Variants in EXT1 observed in about 807,000 individuals in gnomAD.
The protein encoded by EXT1 is exostosin glycosyltransferase 1.
A neutral mutation model predicts 82.5 loss-of-function variants in EXT1; 20 were observed. The observed-to-expected ratio is 0.24, with a 90% CI of 0.17 to 0.35. The LOEUF (loss-of-function observed/expected upper bound fraction) is 0.35. Ranked by LOEUF, EXT1 falls within the 10% of genes least tolerant of loss-of-function variation. The pLI is 1.00. For missense variants in EXT1, 757 were observed against 936.5 expected, an observed-to-expected ratio of 0.81 and a Z score of 2.50; for synonymous variants, 348 against 350.8, an observed-to-expected ratio of 0.99 and a Z score of 0.09.
rs113259613 is a variant in EXT1 at position 118,010,294 on chromosome 8, C to A, written c.962+99791G>T. ...GGCTGAGGCAGGAGAATGGAGTGAT[C>A]CCGGGAGACGGAGCTTGCAGTGAGC... On this transcript the variant is annotated intron_variant, in intron 1 of 10. Transcript: ENST00000378204. Among the ~76,000 whole-genome samples, 180 of 151,194 alleles carry A rather than the reference C, an allele frequency of 1.2e-3. 1 individual carries two copies. The highest frequency in any genetic ancestry group is 4.4e-3 in the African/African-American group (179 of 41,058).
chr8:117,960,647 T>C (rs1814680699), intron 1 of EXT1, among the ~76,000 whole-genome samples: 1 of 152,200 alleles, frequency 6.6e-6, no homozygotes, highest in African/African-American at 2.4e-5. Context: ...AATGTTGTAA[T>C]CAGTGCATAA....
chr8:117,931,925 A>G (rs1354258783), intron 1 of EXT1, among the ~76,000 whole-genome samples: 1 of 152,244 alleles, frequency 6.6e-6, no homozygotes, highest in East Asian at 1.9e-4. Flanking sequence ...CTCAAGCTTA[A>G]GTAATTATGG....
intron 1 of EXT1, among the ~76,000 whole-genome samples, chr8:117,981,460 T>C (rs765945330): frequency 1.3e-5 from 2 of 152,220 alleles, no homozygotes; most frequent in Non-Finnish European, 2.9e-5. Context: ...ATCTACTAAT[T>C]ACAACACTTC....
intron 1 of EXT1, among the ~76,000 whole-genome samples, chr8:117,957,283 C>G (rs970635545): frequency 3.9e-5 from 6 of 152,240 alleles, no homozygotes; most frequent in Admixed American, 2.0e-4. Context: ...AAGATGAAAG[C>G]TGAGGATTGG....
chr8:117,945,296 C>A (rs1215725004), intron 1 of EXT1, among the ~76,000 whole-genome samples: 3 of 152,180 alleles, frequency 2.0e-5, no homozygotes, highest in South Asian at 2.1e-4. Context: ...ATGCTTGTAA[C>A]CCCTGTACAT....
At chr8:118,103,188 C>T (rs1187547912) in intron 1 of EXT1, among the ~76,000 whole-genome samples, 1 of 148,228 alleles carries the variant, frequency 6.7e-6, no homozygotes, top group Non-Finnish European at 1.5e-5. Context: ...GCTCTATTGT[C>T]CAGGGTGGAG....
At chr8:117,951,388 T>C (rs915182040) in intron 1 of EXT1, among the ~76,000 whole-genome samples, 2 of 152,232 alleles carry the variant, frequency 1.3e-5, no homozygotes, top group African/African-American at 2.4e-5. Context: ...CTCCTGTTTT[T>C]GTGATTTTCT....
chr8:117,899,185 G>T (rs1319557565), intron 1 of EXT1, among the ~76,000 whole-genome samples: 1 of 152,180 alleles, frequency 6.6e-6, no homozygotes, highest in Non-Finnish European at 1.5e-5. Flanking sequence ...TACATTATCT[G>T]TCTAAATGCA....
chr8:117,884,488 C>T (rs762602626), intron 1 of EXT1, among the ~76,000 whole-genome samples: 7 of 152,168 alleles, frequency 4.6e-5, no homozygotes, highest in African/African-American at 1.2e-4. Context: ...GGTGGGCAGT[C>T]GGCTTCATAC....
At chr8:118,020,974 T>C (rs139490160) in intron 1 of EXT1, among the ~76,000 whole-genome samples, 4 of 152,334 alleles carry the variant, frequency 2.6e-5, no homozygotes, top group African/African-American at 9.6e-5. Flanking sequence ...TAGCTTAGCT[T>C]TTCAATGATA....
chr8:118,019,857 G>A (rs1816070026), intron 1 of EXT1, among the ~76,000 whole-genome samples: 1 of 152,174 alleles, frequency 6.6e-6, no homozygotes. Flanking sequence ...CAGGAACACT[G>A]CCTTTCAATA....
rs565690532 is a variant in EXT1, at chr8:118,079,790, A to C, written c.962+30295T>G. Among the ~76,000 whole-genome samples the C allele has an allele frequency of 2.0e-5, 3 of 152,274 alleles. No homozygotes were observed. The South Asian group carries it at 6.2e-4, about 32-fold the overall frequency. On this transcript the variant is annotated intron_variant, in intron 1 of 10. Coordinates refer to ENST00000378204, the MANE Select transcript of EXT1 (RefSeq NM_000127.3). ...ACTTCACACCCCTCCCAAAATTAAAAAGAAAAGAAAAAACATGAACCACAT... is the reference window on the plus strand; with the variant it reads ...ACTTCACACCCCTCCCAAAATTAAACAGAAAAGAAAAAACATGAACCACAT...
intron 1 of EXT1, among the ~76,000 whole-genome samples, chr8:117,954,657 C>T (rs1036031004): frequency 4.6e-5 from 7 of 152,182 alleles, no homozygotes; most frequent in African/African-American, 1.7e-4. Context: ...AACCCCATTA[C>T]GGTTCTGCAA....
chr8:118,022,296 A>AAGATATAC (rs1281878211), intron 1 of EXT1, among the ~76,000 whole-genome samples: 2 of 151,602 alleles, frequency 1.3e-5, no homozygotes, highest in Non-Finnish European at 2.9e-5. Flanking sequence ...ATATTAAAAA[A>AAGATATAC]AGATATACTT....
chr8:117,875,500 G>A (rs1175801495), intron 1 of EXT1, among the ~76,000 whole-genome samples: 1 of 151,936 alleles, frequency 6.6e-6, no homozygotes, highest in Non-Finnish European at 1.5e-5. Context: ...AAAGGAAGAA[G>A]CCTTAGTATT....
At chr8:117,903,629 A>G (rs1813489749) in intron 1 of EXT1, among the ~76,000 whole-genome samples, 1 of 152,230 alleles carries the variant, frequency 6.6e-6, no homozygotes, top group Non-Finnish European at 1.5e-5. Flanking sequence ...TCAGTCTCCA[A>G]TGATTAAACT....
intron 1 of EXT1, among the ~76,000 whole-genome samples, chr8:117,984,615 T>TG (rs1401876924): frequency 6.6e-6 from 1 of 151,944 alleles, no homozygotes; most frequent in Non-Finnish European, 1.5e-5. Context: ...GCAGGAAACC[T>TG]GGGGGGCTGA....
At chr8:118,024,298 C>T (rs1004431985) in intron 1 of EXT1, among the ~76,000 whole-genome samples, 2 of 152,034 alleles carry the variant, frequency 1.3e-5, no homozygotes, top group Non-Finnish European at 2.9e-5. Flanking sequence ...TTAGAAACAA[C>T]AAAAAGAAAA....
intron 1 of EXT1, among the ~76,000 whole-genome samples, chr8:118,042,075 C>G (rs1018148831): frequency 6.6e-6 from 1 of 152,192 alleles, no homozygotes; most frequent in Non-Finnish European, 1.5e-5. Flanking sequence ...CTCGTACCCC[C>G]ATCTCCGCTC....
Sources: allele counts gnomAD v4.1 joint callset (sites outside exome capture counted in the v4.1 genomes callset), GRCh38; gene constraint gnomAD v4.1.1; transcripts MANE v1.5; gene names NCBI Gene and HGNC (gene_info 2026-07-23, HGNC 2026-07-21).